Variants in IKZF4 observed in about 807,000 individuals in gnomAD.
IKZF4 encodes the protein zinc finger protein Eos.
IKZF4 carries 11 observed loss-of-function variants against 47.7 expected under a neutral mutation model. The ratio of observed to expected loss-of-function variants is 0.23; its 90% CI spans 0.15 to 0.38. The LOEUF (loss-of-function observed/expected upper bound fraction) is 0.38. IKZF4 is among the 10% of genes least tolerant of loss of function. The pLI, the probability that IKZF4 is intolerant of heterozygous loss-of-function variation, is 1.00. For missense variants in IKZF4, 557 were observed against 784.9 expected, an observed-to-expected ratio of 0.71 and a Z score of 3.47; for synonymous variants, 298 against 299.4, an observed-to-expected ratio of 1.00 and a Z score of 0.05.
In IKZF4 at chr12:56,034,971, G is replaced by A; in HGVS notation, c.1398G>A (p.Arg466=). 1 of 1,560,666 alleles carries A rather than the reference G, an allele frequency of 6.4e-7. No homozygotes were observed. The highest frequency in any genetic ancestry group is 8.7e-7 in the Non-Finnish European group (1 of 1,151,126). ...ACACAGAAAGCAACCACGAAGATCG[G>A]GTTGCGGGGGTGGTATCCCTCCCTC... ...STDTESNHED[R]VAGVVSLPQG... The change falls in exon 8 of 8, where the codon CGG becomes CGA. Residue 466 remains arginine (R), a synonymous_variant. Coordinates refer to ENST00000547167, the MANE Select transcript of IKZF4 (RefSeq NM_022465.4).
intron 1 of IKZF4, 68 bp from the exon 2 acceptor site, chr12:56,023,603 T>C: frequency 6.4e-7 from 1 of 1,560,672 alleles, no homozygotes; most frequent in Non-Finnish European, 8.7e-7. Flanking sequence ...AATGGGACTT[T>C]AGGAGAGGAT....
chr12:56,027,668 A>C (rs1329896470), intron 4 of IKZF4, 112 bp from the exon 5 acceptor site: 1 of 1,037,586 alleles, frequency 9.6e-7, no homozygotes, highest in Non-Finnish European at 1.5e-6. Context: ...GCCCGTCAGC[A>C]ATGTGTTCAG....
intron 6 of IKZF4, 57 bp downstream of exon 6, chr12:56,032,767 A>G: frequency 6.3e-7 from 1 of 1,584,770 alleles, no homozygotes; most frequent in Non-Finnish European, 8.7e-7. Context: ...AGGGAGTGCT[A>G]GACAAGGGTG....
chr12:56,021,887 G>A (rs1204879192), intron 1 of IKZF4: 2 of 438,248 alleles, frequency 4.6e-6, no homozygotes, highest in African/African-American at 2.0e-5. Context: ...GTGAAATGCC[G>A]AGACAGGCCT....
At chr12:56,016,846 G>A (rs1395391706), upstream of IKZF4, among the ~76,000 whole-genome samples, 2 of 151,764 alleles carry the variant, frequency 1.3e-5, no homozygotes, top group South Asian at 2.1e-4. Flanking sequence ...CGCCCGCCTC[G>A]GCCTCCCAGA....
In IKZF4 at chr12:56,021,332, C is replaced by A. The variant is rs1381854215; in HGVS notation, c.-162C>A. Reference sequence around the variant, plus strand: ...CACACACACACTCAACACACATACACCCTGGGCTGAGCTGCTCTTGCTGGC... The same window carrying A: ...CACACACACACTCAACACACATACAACCTGGGCTGAGCTGCTCTTGCTGGC... On this transcript the variant is annotated 5_prime_UTR_variant, in exon 1 of 8. Transcript: ENST00000547167. 6.5e-6 allele frequency: 10 copies of A among 1,530,752 alleles called. No homozygotes were observed. The African/African-American group carries it at 1.1e-4, about 17-fold the overall frequency. 94.8% of individuals were successfully genotyped at this position (1,530,752 alleles called of 1,614,324 possible).
intron 5 of IKZF4, among the ~76,000 whole-genome samples, chr12:56,031,883 CT>C (rs1894965794): frequency 6.6e-6 from 1 of 151,936 alleles, no homozygotes; most frequent in Admixed American, 6.6e-5. Context: ...TTCTTTTATT[CT>C]TTTTCTCTTT....
upstream of IKZF4, chr12:56,018,134 TA>T: frequency 7.8e-7 from 1 of 1,289,198 alleles, no homozygotes; most frequent in South Asian, 1.2e-5. Context: ...AGAATCTCTT[TA>T]AAATGGACAT....
At chr12:56,023,523 T>G in intron 1 of IKZF4, 148 bp from the exon 2 acceptor site, 1 of 1,004,714 alleles carries the variant, frequency 1.0e-6, no homozygotes, top group Non-Finnish European at 1.4e-6. Flanking sequence ...AAACTCAGAT[T>G]CAAGCCATAA....
chr12:56,030,659 G>T (rs1312312296), intron 5 of IKZF4, among the ~76,000 whole-genome samples: 5 of 152,040 alleles, frequency 3.3e-5, no homozygotes. Context: ...AGCCCAGGAG[G>T]CAGAGGTTGC....
At chr12:56,024,066 G>A in intron 2 of IKZF4, 1 of 437,536 alleles carries the variant, frequency 2.3e-6, no homozygotes, top group Non-Finnish European at 3.0e-6. Context: ...AAGATTGTGG[G>A]GAGGAGGGAT....
chr12:56,024,518 T>C, intron 2 of IKZF4: 4 of 542,040 alleles, frequency 7.4e-6, no homozygotes, highest in Non-Finnish European at 9.5e-6. Flanking sequence ...ATAGTTGTTG[T>C]GAGGATTAAA....
chr12:56,008,805 G>T (rs1891005551), intron 1 of IKZF4, among the ~76,000 whole-genome samples: 1 of 151,118 alleles, frequency 6.6e-6, no homozygotes, highest in South Asian at 2.1e-4. Context: ...CTCCCAAGTA[G>T]CTGGGATTAC....
At chr12:56,031,499 C>CCCT (rs1894912191) in intron 5 of IKZF4, among the ~76,000 whole-genome samples, 1 of 152,176 alleles carries the variant, frequency 6.6e-6, no homozygotes, top group Non-Finnish European at 1.5e-5. Flanking sequence ...GTGTTCATTT[C>CCCT]ATCCCTAAAA....
At chr12:56,009,855 G>T (rs975705927) in intron 1 of IKZF4, among the ~76,000 whole-genome samples, 1 of 152,132 alleles carries the variant, frequency 6.6e-6, no homozygotes. Flanking sequence ...AATAAGTCCT[G>T]ACTTTTTTCC....
intron 2 of IKZF4, among the ~76,000 whole-genome samples, chr12:56,013,644 G>C (rs765955338): frequency 8.5e-5 from 13 of 152,196 alleles, no homozygotes; most frequent in Non-Finnish European, 1.6e-4. Flanking sequence ...CCTCTAAGGA[G>C]ACGCTAAGAT....
At chr12:56,023,970 T>C (rs1481448497) in intron 2 of IKZF4, 3 of 963,014 alleles carry the variant, frequency 3.1e-6, no homozygotes, top group Non-Finnish European at 3.7e-6. Flanking sequence ...AATAGGTATG[T>C]TCTCTTTATA....
intron 3 of IKZF4, among the ~76,000 whole-genome samples, chr12:56,025,930 T>C (rs1272289206): frequency 1.3e-5 from 2 of 152,114 alleles, no homozygotes; most frequent in African/African-American, 4.8e-5. Context: ...AGACATCCTA[T>C]GTACCCCCAA....
intron 7 of IKZF4, 110 bp from the exon 8 acceptor site, chr12:56,034,461 T>A: frequency 8.9e-7 from 1 of 1,127,804 alleles, no homozygotes; most frequent in Non-Finnish European, 1.3e-6. Context: ...AAATGCCACG[T>A]AGTAAATAAT....
Sources: gnomAD v4.1 joint callset for allele counts (sites outside exome capture counted in the v4.1 genomes callset) on GRCh38, gnomAD v4.1.1 for gene constraint, MANE v1.5 for transcripts, NCBI Gene and HGNC (gene_info 2026-07-23, HGNC 2026-07-21) for gene names.